The following DISC1 variants were observed in gnomAD, a reference collection of about 807,000 sequenced individuals.
The protein encoded by DISC1 is DISC1 scaffold protein.
In DISC1, 57 loss-of-function variants were observed where a neutral mutation model predicts 84.5. The observed-to-expected ratio is 0.67, with a 90% confidence interval of 0.55 to 0.84. DISC1 has a LOEUF of 0.84. Among genes scored for constraint, DISC1 ranks in the 40% least tolerant of loss-of-function variants. DISC1 has a pLI of 0.00. For missense variants in DISC1, 1,000 were observed against 1,057.8 expected (o/e 0.95, Z 0.76); for synonymous variants, 411 against 415.2 (o/e 0.99, Z 0.12).
intron 8 of DISC1, among the ~76,000 whole-genome samples, chr1:231,801,706 A>G (rs1190752172): frequency 6.6e-6 from 1 of 151,914 alleles, no homozygotes; most frequent in Non-Finnish European, 1.5e-5. Flanking sequence ...TTTGTTTGCA[A>G]CTCCTGCATA....
chr1:231,632,860 C>T (rs761424743), intron 1 of DISC1, among the ~76,000 whole-genome samples: 2 of 152,122 alleles, frequency 1.3e-5, no homozygotes, highest in African/African-American at 4.8e-5. Flanking sequence ...GACCTGAGGT[C>T]AGGAGTTCGA....
intron 3 of DISC1, chr1:231,722,641 A>G (rs1234904022): frequency 6.8e-6 from 11 of 1,613,836 alleles, no homozygotes; most frequent in Non-Finnish European, 8.5e-6. Context: ...ACAAATAGAT[A>G]TCCACACAGC....
At chr1:231,931,426 C>T (rs553805982) in intron 9 of DISC1, among the ~76,000 whole-genome samples, 37 of 152,280 alleles carry the variant, frequency 2.4e-4, no homozygotes, top group African/African-American at 7.2e-4. Flanking sequence ...TTATGACATA[C>T]TGACCTAGAG....
At chr1:231,939,440 A>G (rs925711410) in intron 9 of DISC1, among the ~76,000 whole-genome samples, 31 of 152,190 alleles carry the variant, frequency 2.0e-4, no homozygotes, top group African/African-American at 7.0e-4. Flanking sequence ...TAATGAACTA[A>G]GAAAGTGGCC....
chr1:231,829,595 A>T (rs933133922), intron 9 of DISC1, among the ~76,000 whole-genome samples: 16 of 152,102 alleles, frequency 1.1e-4, no homozygotes, highest in African/African-American at 3.9e-4. Flanking sequence ...CAAGTGATCC[A>T]CCTGCCGTGG....
intron 8 of DISC1, among the ~76,000 whole-genome samples, chr1:231,812,238 G>A (rs1477848865): frequency 6.6e-6 from 1 of 151,870 alleles, no homozygotes; most frequent in South Asian, 2.1e-4. Flanking sequence ...TAATTTTTTT[G>A]TAGAGATGGG....
chr1:231,881,091 A>C (rs1409863376), intron 9 of DISC1, among the ~76,000 whole-genome samples: 3 of 151,702 alleles, frequency 2.0e-5, no homozygotes, highest in African/African-American at 7.3e-5. Context: ...TCCCTGACGA[A>C]TTTTATTTAA....
At chr1:231,961,294 G>T (rs1572363824) in intron 10 of DISC1, among the ~76,000 whole-genome samples, 1 of 152,198 alleles carries the variant, frequency 6.6e-6, no homozygotes, top group Non-Finnish European at 1.5e-5. Flanking sequence ...CTTCCTTCAG[G>T]TGTGGGACAG....
chr1:231,795,290 T>C lies in DISC1; in HGVS notation c.1683T>C (p.Thr561=). The C allele has an allele frequency of 1.2e-6, 2 of 1,613,140 alleles. No homozygotes were observed. Among genetic ancestry groups the C allele is most frequent in the Non-Finnish European group, 1.7e-6 (2 of 1,179,236 alleles). Residue 561 remains threonine, a synonymous_variant, in exon 7 of 13, where the codon ACT becomes ACC. Transcript: ENST00000439617. The part of the protein sequence containing the change: ...KSLNLSLKEI[T]TKVCMSEKFC... The stretch of plus-strand genomic sequence containing the variant: ...TCAACTTGTCACTTAAAGAAATCAC[T>C]ACTAAGGTAAGTACCTTTATATTCC...
At chr1:231,699,268 C>T (rs2066102364) in intron 2 of DISC1, among the ~76,000 whole-genome samples, 1 of 152,136 alleles carries the variant, frequency 6.6e-6, no homozygotes, top group Non-Finnish European at 1.5e-5. Flanking sequence ...AGTGGAAAAT[C>T]AAGTCAGTGT....
At chr1:231,891,278 C>T (rs1305191702) in intron 9 of DISC1, among the ~76,000 whole-genome samples, 2 of 152,096 alleles carry the variant, frequency 1.3e-5, no homozygotes, top group African/African-American at 2.4e-5. Context: ...TTGTATTGGG[C>T]CACATTCAAA....
intron 9 of DISC1, among the ~76,000 whole-genome samples, chr1:231,850,414 T>A (rs1220482112): frequency 6.6e-6 from 1 of 152,262 alleles, no homozygotes; most frequent in East Asian, 1.9e-4. Flanking sequence ...TGCTAGGGCC[T>A]GAGTTGCTTA....
chr1:231,911,649 G>A (rs1343294121), intron 9 of DISC1, among the ~76,000 whole-genome samples: 1 of 152,128 alleles, frequency 6.6e-6, no homozygotes, highest in African/African-American at 2.4e-5. Flanking sequence ...ACAATTATGT[G>A]TCTTGGAGTT....
At chr1:231,708,158 C>T (rs185655337) in intron 3 of DISC1, among the ~76,000 whole-genome samples, 2 of 152,234 alleles carry the variant, frequency 1.3e-5, no homozygotes, top group African/African-American at 2.4e-5. Context: ...CCTGGTAAAG[C>T]ATTATTTTGG....
intron 10 of DISC1, among the ~76,000 whole-genome samples, chr1:231,981,763 G>GTTT (rs1663637156): frequency 6.6e-6 from 1 of 152,176 alleles, no homozygotes; most frequent in Non-Finnish European, 1.5e-5. Flanking sequence ...GAAGGCCGCA[G>GTTT]AACAAGGATG....
At chr1:231,958,955 T>C in intron 10 of DISC1, 67 bp downstream of exon 10, 1 of 1,521,912 alleles carries the variant, frequency 6.6e-7, no homozygotes, top group Non-Finnish European at 8.8e-7. Context: ...TAACAGAATT[T>C]AGTTAAATCG....
rs143007031 is a variant in DISC1, at chr1:232,040,148, G to T, written c.*3317G>T. ...CTGGGGTTACAGGCATTTGCCACCGGGCCCTGATGATTTTTGTATTTTTAG... is the reference window on the plus strand; with the variant it reads ...CTGGGGTTACAGGCATTTGCCACCGTGCCCTGATGATTTTTGTATTTTTAG... On this transcript the variant is annotated 3_prime_UTR_variant, in exon 13 of 13. Coordinates refer to ENST00000439617, the MANE Select transcript of DISC1 (RefSeq NM_018662.3). The T allele has an allele frequency of 1.3e-5, 2 of 151,932 alleles. No individual in the cohort carries two copies. Among genetic ancestry groups the T allele is most frequent in the African/African-American group, 4.8e-5 (2 of 41,328 alleles). 9.4% of individuals were successfully genotyped at this position (151,932 alleles called of 1,614,324 possible).
chr1:231,694,518 G>A lies in DISC1; in HGVS notation c.760G>A (p.Gly254Arg), dbSNP rs780719614. Residue 254 changes from glycine to arginine, a missense_variant, in exon 2 of 13, where the codon GGG (glycine) becomes AGG (arginine). This residue lies in a region of DISC1 where 311 missense variants were observed against 400.1 expected (regional missense o/e 0.78). Coordinates refer to ENST00000439617, the MANE Select transcript of DISC1 (RefSeq NM_018662.3). ...EMGAKAASLD[G>R]PHEDPRCLSR... ...GGGAGCCAAAGCTGCCAGCTTGGAC[G>A]GGCCTCACGAGGACCCGCGATGTCT... 316 of 1,614,118 alleles carry A rather than the reference G, an allele frequency of 2.0e-4. No individual in the cohort carries two copies. Among genetic ancestry groups the A allele is most frequent in the Non-Finnish European group, 2.5e-4 (298 of 1,180,042 alleles).
At chr1:232,030,612 A>C (rs1669915566) in intron 12 of DISC1, among the ~76,000 whole-genome samples, 1 of 152,206 alleles carries the variant, frequency 6.6e-6, no homozygotes, top group African/African-American at 2.4e-5. Flanking sequence ...TGCTCTAAAT[A>C]CATCCAGGTT....
Sources: gnomAD v4.1 joint callset for allele counts (sites outside exome capture counted in the v4.1 genomes callset) on GRCh38, gnomAD v4.1.1 for gene constraint, gnomAD v4.1.1 regional missense constraint, MANE v1.5 for transcripts, NCBI Gene and HGNC (gene_info 2026-07-23, HGNC 2026-07-21) for gene names.